NAA16: variants seen among roughly 807,000 people sequenced by gnomAD.
NAA16 encodes the protein N-alpha-acetyltransferase 16, NatA auxiliary subunit.
NAA16 carries 97 observed loss-of-function variants against 110.3 expected under a neutral mutation model. That is an observed-to-expected ratio of 0.88 (90% confidence interval 0.75 to 1.04). The LOEUF is 1.04. Among genes scored for constraint, NAA16 ranks in the 50% least tolerant of loss-of-function variants. The pLI is 0.00. For missense variants in NAA16, 1,017 were observed against 1,005.1 expected (o/e 1.01, Z -0.16); for synonymous variants, 372 against 330.6 (o/e 1.13, Z -1.36).
chr13:41,339,660 C>T (rs979011476), intron 9 of NAA16, among the ~76,000 whole-genome samples: 9 of 152,102 alleles, frequency 5.9e-5, no homozygotes, highest in Admixed American at 2.0e-4. Flanking sequence ...CGGGTTCAAA[C>T]GATTCTCCTG....
intron 9 of NAA16, among the ~76,000 whole-genome samples, chr13:41,342,008 A>G (rs544668128): frequency 7.4e-6 from 1 of 136,004 alleles, no homozygotes; most frequent in East Asian, 2.3e-4. Context: ...ATTTTTTTGT[A>G]CTTTTAGTAG....
At chr13:41,356,285 C>T (rs763078026) in intron 10 of NAA16, among the ~76,000 whole-genome samples, 1 of 152,134 alleles carries the variant, frequency 6.6e-6, no homozygotes, top group Non-Finnish European at 1.5e-5. Context: ...TCTCAGCCTC[C>T]GAAAGTGCTG....
At chr13:41,333,635 A>C (rs1270703762) in intron 8 of NAA16, among the ~76,000 whole-genome samples, 1 of 151,898 alleles carries the variant, frequency 6.6e-6, no homozygotes, top group African/African-American at 2.4e-5. Context: ...TTTAAAATAC[A>C]TTCATATGCT....
intron 13 of NAA16, chr13:41,362,400 C>A: frequency 2.4e-6 from 1 of 410,256 alleles, no homozygotes; most frequent in Non-Finnish European, 4.4e-6. Flanking sequence ...TGTTAGTAAA[C>A]AATTATTGCT....
At chr13:41,346,630 T>A (rs1429473509) in intron 9 of NAA16, among the ~76,000 whole-genome samples, 1 of 152,044 alleles carries the variant, frequency 6.6e-6, no homozygotes, top group Non-Finnish European at 1.5e-5. Flanking sequence ...GGTGGTCTCG[T>A]TGCCTGGCAC....
chr13:41,369,061 C>T lies in NAA16; in HGVS notation c.1754-29C>T, dbSNP rs374815883. 1.4e-5 allele frequency: 21 copies of T among 1,538,706 alleles called. No individual in the cohort carries two copies. The African/African-American group carries it at 2.9e-4, about 22-fold the overall frequency. The stretch of plus-strand genomic sequence containing the variant: ...TATGAAGAAAATGCAAACATTGGCT[C>T]AGAATTTTGTTCATTTGGATATTTA... On this transcript the variant is annotated intron_variant, in intron 14 of 19. Coordinates refer to ENST00000379406, the MANE Select transcript of NAA16 (RefSeq NM_024561.5).
intron 1 of NAA16, 111 bp downstream of exon 1, chr13:41,311,693 C>T: frequency 2.0e-6 from 2 of 1,001,294 alleles, no homozygotes; most frequent in Non-Finnish European, 1.5e-6. Context: ...CCGCTGCCCA[C>T]CGCTCTTTGT....
At chr13:41,336,836 ATTAC>A (rs914594727) in intron 9 of NAA16, 80 bp downstream of exon 9, 17 of 756,002 alleles carry the variant, frequency 2.2e-5, no homozygotes, top group African/African-American at 3.6e-5. Flanking sequence ...ATAATGTGCT[ATTAC>A]TTAATCATTT....
intron 1 of NAA16, among the ~76,000 whole-genome samples, chr13:41,312,304 A>C (rs1415913486): frequency 6.6e-6 from 1 of 152,040 alleles, no homozygotes; most frequent in Non-Finnish European, 1.5e-5. Context: ...CTGGTTTTGC[A>C]TTTGAGGGGA....
intron 1 of NAA16, among the ~76,000 whole-genome samples, chr13:41,315,918 C>T (rs1053649296): frequency 8.5e-5 from 13 of 152,052 alleles, no homozygotes; most frequent in African/African-American, 1.2e-4. Flanking sequence ...CACAGATGTG[C>T]ACCACCACGC....
chr13:41,369,644 A>G (rs2043277701), intron 15 of NAA16, among the ~76,000 whole-genome samples: 1 of 152,172 alleles, frequency 6.6e-6, no homozygotes, highest in East Asian at 1.9e-4. Context: ...ATGTGGTCCT[A>G]ATATCGTCAA....
At chr13:41,372,118 T>G (rs1181200843) in intron 15 of NAA16, 85 bp from the exon 16 acceptor site, 1 of 1,107,746 alleles carries the variant, frequency 9.0e-7, no homozygotes, top group Admixed American at 3.1e-5. Flanking sequence ...TAAATTACTT[T>G]AGACATATGT....
rs757504055 is a variant in NAA16, at chr13:41,311,515, C to T, written c.-14C>T. The T allele has an allele frequency of 4.4e-6, 7 of 1,595,812 alleles. No individual in the cohort carries two copies. In the South Asian group the frequency reaches 5.7e-5, roughly 13 times the overall value. ...AGCCTCCCTGCCGGCCACCTAGCCT[C>T]CCTGCCGGCCACGATGCCGAACGTG... On this transcript the variant is annotated 5_prime_UTR_variant, in exon 1 of 20. Coordinates refer to ENST00000379406, the MANE Select transcript of NAA16 (RefSeq NM_024561.5).
intron 6 of NAA16, among the ~76,000 whole-genome samples, chr13:41,326,793 T>G (rs4547226): frequency 2.6e-5 from 4 of 152,088 alleles, no homozygotes; most frequent in African/African-American, 9.7e-5. Context: ...TTCCCATATA[T>G]CCCTGTATAC....
At chr13:41,359,081 T>C (rs2043057035) in intron 12 of NAA16, 119 bp downstream of exon 12, 4 of 809,776 alleles carry the variant, frequency 4.9e-6, no homozygotes, top group Non-Finnish European at 6.8e-6. Flanking sequence ...TCATTTTTAT[T>C]ATTGTTTTTT....
intron 4 of NAA16, 144 bp from the exon 5 acceptor site, chr13:41,322,912 A>G (rs2041983318): frequency 1.3e-6 from 1 of 768,024 alleles, no homozygotes; most frequent in South Asian, 1.6e-5. Context: ...TAGGTAGGAA[A>G]CATAAAAAGT....
intron 1 of NAA16, among the ~76,000 whole-genome samples, chr13:41,316,589 G>A (rs980549638): frequency 6.6e-6 from 1 of 152,142 alleles, no homozygotes; most frequent in Non-Finnish European, 1.5e-5. Context: ...ACAAGCGTGA[G>A]CCACCTTGCT....
At position 41,374,726 on chromosome 13, in the gene NAA16, T is replaced by C; in HGVS notation, c.2300-16T>C. 6.5e-7 allele frequency: 1 copy of C among 1,542,006 alleles called. No homozygotes were observed. The highest frequency in any genetic ancestry group is 8.9e-7 in the Non-Finnish European group (1 of 1,122,470). Reference sequence around the variant, plus strand: ...GTATAGGTGTTTATTCATTTTGAAATGCCTTGGTATTTCAGGTGCTAAAAT... The same window carrying C: ...GTATAGGTGTTTATTCATTTTGAAACGCCTTGGTATTTCAGGTGCTAAAAT... On this transcript the variant is annotated splice_polypyrimidine_tract_variant and intron_variant, in intron 18 of 19. Transcript: ENST00000379406.
intron 10 of NAA16, among the ~76,000 whole-genome samples, chr13:41,356,849 T>C (rs538067759): frequency 6.6e-6 from 1 of 152,180 alleles, no homozygotes; most frequent in Non-Finnish European, 1.5e-5. Flanking sequence ...TACTTGTAAG[T>C]TATAGTTAGG....
Sources: gnomAD v4.1 joint callset for allele counts (sites outside exome capture counted in the v4.1 genomes callset) on GRCh38, gnomAD v4.1.1 for gene constraint, MANE v1.5 for transcripts, NCBI Gene and HGNC (gene_info 2026-07-23, HGNC 2026-07-21) for gene names.